Variants in NETO1 observed in about 807,000 individuals in gnomAD.
NETO1 encodes neuropilin and tolloid-like protein 1.
A neutral mutation model predicts 61.3 loss-of-function variants in NETO1; 26 were observed. That is an observed-to-expected ratio of 0.42 (90% CI 0.31 to 0.59). The LOEUF (loss-of-function observed/expected upper bound fraction) is 0.59. NETO1 is among the 20% of genes least tolerant of loss of function. The pLI, the probability that NETO1 is intolerant of heterozygous loss-of-function variation, is 0.12. For missense variants in NETO1, 531 were observed against 662.8 expected (o/e 0.80, Z 2.18); for synonymous variants, 225 against 225.8 (o/e 1.00, Z 0.03).
chr18:72,812,209 G>A (rs2072890805), intron 4 of NETO1, among the ~76,000 whole-genome samples: 1 of 152,204 alleles, frequency 6.6e-6, no homozygotes, highest in African/African-American at 2.4e-5. Flanking sequence ...ATTATAAAGT[G>A]ACTCAAAGGC....
intron 8 of NETO1, among the ~76,000 whole-genome samples, chr18:72,751,077 A>ACACACACACACAC (rs60112090): frequency 2.5e-4 from 37 of 150,678 alleles, no homozygotes; most frequent in South Asian, 4.2e-4. Flanking sequence ...ACACACACAC[A>ACACACACACACAC]ATCTATCTAT....
At chr18:72,812,409 T>C (rs551711184) in intron 4 of NETO1, among the ~76,000 whole-genome samples, 1 of 152,316 alleles carries the variant, frequency 6.6e-6, no homozygotes, top group South Asian at 2.1e-4. Flanking sequence ...TACACAGTTA[T>C]CTTTCTTCCA....
chr18:72,794,481 A>G (rs1452587307), intron 4 of NETO1, 77 bp from the exon 5 acceptor site: 1 of 1,400,116 alleles, frequency 7.1e-7, no homozygotes, highest in Non-Finnish European at 9.8e-7. Flanking sequence ...TTTATCATTA[A>G]GTTTTCCAGA....
chr18:72,783,589 C>T, intron 7 of NETO1, 89 bp downstream of exon 7: 5 of 1,066,996 alleles, frequency 4.7e-6, no homozygotes, highest in Non-Finnish European at 7.1e-6. Flanking sequence ...GCTGTGCTCA[C>T]TGTGTGAAGA....
In NETO1 at chr18:72,867,512, C is replaced by A; in HGVS notation, c.-221G>T. 2.6e-6 allele frequency: 1 copy of A among 390,558 alleles called. No homozygotes were observed. The highest frequency in any genetic ancestry group is 4.5e-6 in the Non-Finnish European group (1 of 220,908). 24.2% of individuals were successfully genotyped at this position (390,558 alleles called of 1,614,324 possible). Reference sequence around the variant, plus strand: ...GTCCTCCGCCCCGGGCGGGCTCTCGCTCTCGCTGGCCCTCAGCGCCGCGCA... The same window carrying A: ...GTCCTCCGCCCCGGGCGGGCTCTCGATCTCGCTGGCCCTCAGCGCCGCGCA... On this transcript the variant is annotated 5_prime_UTR_variant, in exon 1 of 11. Transcript: ENST00000327305.
intron 4 of NETO1, among the ~76,000 whole-genome samples, chr18:72,843,514 A>T (rs2073996095): frequency 6.6e-6 from 1 of 152,178 alleles, no homozygotes; most frequent in African/African-American, 2.4e-5. Context: ...AGCATGACAA[A>T]GTTATACCGG....
intron 4 of NETO1, among the ~76,000 whole-genome samples, chr18:72,822,443 G>A (rs1047081823): frequency 3.3e-5 from 5 of 152,290 alleles, no homozygotes; most frequent in African/African-American, 9.6e-5. Flanking sequence ...CCACCGTCCC[G>A]TCCCCCCGCA....
intron 4 of NETO1, among the ~76,000 whole-genome samples, chr18:72,843,770 G>T (rs1245636211): frequency 6.6e-6 from 1 of 152,166 alleles, no homozygotes; most frequent in Non-Finnish European, 1.5e-5. Context: ...TATTTTTAGG[G>T]TCAGTCTACC....
chr18:72,795,335 G>A (rs115193784), intron 4 of NETO1, among the ~76,000 whole-genome samples: 22 of 152,254 alleles, frequency 1.4e-4, no homozygotes, highest in African/African-American at 4.6e-4. Flanking sequence ...ATCGGACGTC[G>A]TGGAATCATG....
At position 72,793,155 on chromosome 18, in the gene NETO1, T is replaced by TTTA. The variant is rs200596775; in HGVS notation, c.639+959_639+961dup. 8.5e-5 allele frequency among the ~76,000 whole-genome samples: 13 copies of TTTA among 152,288 alleles called. No homozygotes were observed. The East Asian group carries it at 2.5e-3, about 29-fold the overall frequency. The stretch of plus-strand genomic sequence containing the variant: ...GTGTAGCTGGCAGAGTGCTTGCGAC[T>TTTA]TTATAGAGTCACAAAATCAATTAAT... On this transcript the variant is annotated intron_variant, in intron 6 of 10. Transcript: ENST00000327305.
intron 7 of NETO1, among the ~76,000 whole-genome samples, chr18:72,780,216 C>T (rs1049724504): frequency 3.3e-5 from 5 of 152,082 alleles, no homozygotes; most frequent in African/African-American, 7.2e-5. Flanking sequence ...TCACAGAGAA[C>T]GCTGTTGTAA....
At position 72,748,946 on chromosome 18, in the gene NETO1, A is replaced by T; in HGVS notation, c.*14+68T>A. ...GGATAAATAGCACATTCCCTAAAAA[A>T]CTACAAGACAGTTGCAACAAAACAG... On this transcript the variant is annotated intron_variant, in intron 10 of 10. Transcript: ENST00000327305. 33 of 955,390 alleles carry T rather than the reference A, an allele frequency of 3.5e-5. No individual in the cohort carries two copies. In the South Asian group the frequency reaches 4.4e-4, roughly 13 times the overall value. The allele number at this position is 955,390 out of a possible 1,614,324, so 59.2% of individuals were successfully genotyped here.
At position 72,747,132 on chromosome 18, in the gene NETO1, T is replaced by C. The variant is rs985487887; in HGVS notation, c.*1047A>G. 6.6e-6 allele frequency: 1 copy of C among 152,010 alleles called. No homozygotes were observed. Among genetic ancestry groups the C allele is most frequent in the African/African-American group, 2.4e-5 (1 of 41,444 alleles). The allele number at this position is 152,010 out of a possible 1,614,324, so 9.4% of individuals were successfully genotyped here. A position where few individuals can be genotyped will look rare whatever the true frequency, so the allele number is the denominator to read the frequency against. On this transcript the variant is annotated 3_prime_UTR_variant, in exon 11 of 11. Transcript: ENST00000327305. ...CAATACTGAAGGACATCCTGTACCC[T>C]AAAAGGTGGAAAGAGTTGACATAAA...
chr18:72,772,793 TTCTCTCTCTCTCTC>T (rs71166423), intron 7 of NETO1, among the ~76,000 whole-genome samples: 1 of 58,970 alleles, frequency 1.7e-5, no homozygotes, highest in Non-Finnish European at 3.3e-5. Flanking sequence ...CTCTATATAG[TTCTCTCTCTCTCTC>T]TCTCTCTCTC....
At position 72,864,943 on chromosome 18, in the gene NETO1, T is replaced by A. The variant is rs752366074; in HGVS notation, c.85A>T (p.Lys29Ter). The A allele has an allele frequency of 6.4e-7, 1 of 1,569,554 alleles. No homozygotes were observed. Among genetic ancestry groups the A allele is most frequent in the South Asian group, 1.2e-5 (1 of 83,524 alleles). The change falls in exon 3 of 11, where the codon AAG (lysine) becomes TAG (stop). Residue 29 changes from lysine to a stop codon, truncating the protein, a stop_gained and splice_region_variant. Coordinates refer to ENST00000327305, the MANE Select transcript of NETO1 (RefSeq NM_138966.5). LOFTEE classifies it high-confidence loss of function. ...TTCTGTGTTTCTGAGGTGGTTTGCT[T>A]TTCTGTTAAAAAAAAAAAAAAGTTT... is the stretch of plus-strand genomic sequence containing the variant. ...LSGATKKGTE[K>*]QTTSETQKSV...
chr18:72,754,410 A>C (rs1381827317), intron 8 of NETO1, among the ~76,000 whole-genome samples: 1 of 152,148 alleles, frequency 6.6e-6, no homozygotes, highest in Non-Finnish European at 1.5e-5. Flanking sequence ...ATAAAAAATA[A>C]GATACAAATA....
intron 7 of NETO1, among the ~76,000 whole-genome samples, chr18:72,757,929 A>G (rs550689053): frequency 6.6e-6 from 1 of 152,318 alleles, no homozygotes; most frequent in South Asian, 2.1e-4. Context: ...AATACTTATT[A>G]CCTAACAAAT....
chr18:72,755,957 T>C (rs7244244), intron 8 of NETO1, 77 bp downstream of exon 8: 205,462 of 706,008 alleles, frequency 0.29, 33,121 homozygotes, highest in Admixed American at 0.49. Context: ...TTAAAGACTG[T>C]CTGATTGATA....
chr18:72,821,234 TAAAAAA>T (rs10672110), intron 4 of NETO1, among the ~76,000 whole-genome samples: 1 of 80,220 alleles, frequency 1.2e-5, no homozygotes, highest in Non-Finnish European at 2.3e-5. Flanking sequence ...TCATATTAAC[TAAAAAA>T]AAAAAAAAAA....
Sources: allele counts gnomAD v4.1 joint callset (sites outside exome capture counted in the v4.1 genomes callset), GRCh38; gene constraint gnomAD v4.1.1; transcripts MANE v1.5; gene names NCBI Gene and HGNC (gene_info 2026-07-23, HGNC 2026-07-21).